Variants in DOCK8 observed in about 807,000 individuals in gnomAD.
DOCK8 encodes the protein dedicator of cytokinesis protein 8.
In DOCK8, 141 loss-of-function variants were observed where a neutral mutation model predicts 245.6. The observed-to-expected ratio is 0.57, with a 90% CI of 0.50 to 0.66. The LOEUF is 0.66. DOCK8 is among the 30% of genes least tolerant of loss of function. DOCK8 has a pLI of 0.00. For missense variants in DOCK8, 2,965 were observed against 2,603.4 expected, an observed-to-expected ratio of 1.14 and a Z score of -3.02; for synonymous variants, 1,168 against 970.2, an observed-to-expected ratio of 1.20 and a Z score of -3.79.
At position 304,721 on chromosome 9, in the gene DOCK8, A is replaced by G. The variant is rs778690811; in HGVS notation, c.528+17A>G. 2.5e-6 allele frequency: 4 copies of G among 1,614,012 alleles called. No homozygotes were observed. Among genetic ancestry groups the G allele is most frequent in the Non-Finnish European group, 3.4e-6 (4 of 1,180,020 alleles). ...GCTGCTCAGGTATTTCCTGTCAACA[A>G]ACATGGTTACCAGGTTACTGGGCTC... On this transcript the variant is annotated intron_variant, in intron 5 of 47. Transcript: ENST00000432829.
rs936995835 is a variant in DOCK8 at position 262,448 on chromosome 9, T to TA, written c.54-9171dup. Among the ~76,000 whole-genome samples the TA allele has an allele frequency of 1.3e-4, 12 of 89,806 alleles. 2 individuals are homozygous for TA. The highest frequency in any genetic ancestry group is 4.8e-4 in the South Asian group (1 of 2,086). The allele number at this position is 89,806 out of a possible 152,430, so 58.9% of individuals were successfully genotyped here. A position where few individuals can be genotyped will look rare whatever the true frequency, so the allele number is the denominator to read the frequency against. ...ATGTCCATAGACAGATGAATGGATT[T>TA]AAAAAAAACCATGTTATATCCATAC... is the stretch of plus-strand genomic sequence containing the variant. On this transcript the variant is annotated intron_variant, in intron 1 of 47. Coordinates refer to ENST00000432829, the MANE Select transcript of DOCK8 (RefSeq NM_203447.4).
At position 406,915 on chromosome 9, in the gene DOCK8, C is replaced by T. The variant is rs1333455374; in HGVS notation, c.3391-15C>T. The stretch of plus-strand genomic sequence containing the variant: ...GTTCTTGTGGCTCATAAAATGGCTC[C>T]TTACGTTTCTGTAGAACTCAAGCTC... On this transcript the variant is annotated splice_polypyrimidine_tract_variant and intron_variant, in intron 27 of 47. Transcript: ENST00000432829. The T allele has an allele frequency of 6.2e-7, 1 of 1,614,008 alleles. No individual in the cohort carries two copies.
intron 27 of DOCK8, among the ~76,000 whole-genome samples, chr9:406,079 C>T (rs1017957043): frequency 6.6e-6 from 1 of 152,146 alleles, no homozygotes; most frequent in African/African-American, 2.4e-5. Flanking sequence ...AAAGTGTGCT[C>T]CCAGGATACA....
Position 443,476 on chromosome 9 carries a change from A to T in DOCK8, c.5540A>T (p.Asp1847Val). 1 of 1,614,026 alleles carries T rather than the reference A, an allele frequency of 6.2e-7. No homozygotes were observed. Among genetic ancestry groups the T allele is most frequent in the Non-Finnish European group, 8.5e-7 (1 of 1,179,984 alleles). ...FGAEFVEVIK[D>V]STPVDKTKLD... ...GCAGAATTTGTGGAAGTGATTAAAGACTCCACTCCTGTGGACAAAACCAAG... is the reference window on the plus strand; with the variant it reads ...GCAGAATTTGTGGAAGTGATTAAAGTCTCCACTCCTGTGGACAAAACCAAG... The change falls in exon 43 of 48, where the codon GAC (aspartate) becomes GTC (valine). Residue 1847 changes from aspartate to valine, a missense_variant. Around this residue, in one of 3 missense-constraint regions of DOCK8, gnomAD observed 2,825 missense variants for 2,453.5 expected, o/e 1.15. Transcript: ENST00000432829.
intron 2 of DOCK8, chr9:284,644 A>G (rs981539917): frequency 2.6e-5 from 4 of 152,196 alleles, no homozygotes; most frequent in Non-Finnish European, 2.9e-5. Flanking sequence ...CACGCGTGTG[A>G]ATGTTTATTG....
At chr9:367,749 C>G (rs1413521310) in intron 14 of DOCK8, among the ~76,000 whole-genome samples, 2 of 152,164 alleles carry the variant, frequency 1.3e-5, no homozygotes, top group African/African-American at 4.8e-5. Context: ...AGGCAGATTT[C>G]CACATTCCAA....
chr9:319,856 T>C (rs1015798499), intron 7 of DOCK8, among the ~76,000 whole-genome samples: 1 of 152,244 alleles, frequency 6.6e-6, no homozygotes, highest in African/African-American at 2.4e-5. Flanking sequence ...TTTTAAGATT[T>C]AATACCATCT....
At position 417,290 on chromosome 9, in the gene DOCK8, A is replaced by G. The variant is rs369090446; in HGVS notation, c.3701-778A>G. The stretch of plus-strand genomic sequence containing the variant: ...AGTGTGAGACTTTGTCTAAAAATAA[A>G]TAAATAAATAAATAATAAGAACTGG... On this transcript the variant is annotated intron_variant, in intron 29 of 47. Coordinates refer to ENST00000432829, the MANE Select transcript of DOCK8 (RefSeq NM_203447.4). Among the ~76,000 whole-genome samples the G allele has an allele frequency of 2.6e-5, 4 of 152,364 alleles. No individual in the cohort carries two copies. In the East Asian group the frequency reaches 7.7e-4, roughly 29 times the overall value.
chr9:403,081 G>A (rs1454686226), intron 26 of DOCK8, among the ~76,000 whole-genome samples: 4 of 151,910 alleles, frequency 2.6e-5, no homozygotes, highest in African/African-American at 9.7e-5. Context: ...GTAGAGACAG[G>A]GTTTCACCAT....
rs540266063 is a variant in DOCK8, at chr9:258,592, CT to C, written c.54-13012del. 2.4e-3 allele frequency among the ~76,000 whole-genome samples: 236 copies of C among 100,284 alleles called. 1 individual carries two copies. The highest frequency in any genetic ancestry group is 6.5e-3 in the African/African-American group (164 of 25,042). 65.8% of individuals were successfully genotyped at this position (100,284 alleles called of 152,430 possible). A position where few individuals can be genotyped will look rare whatever the true frequency, so the allele number is the denominator to read the frequency against. On this transcript the variant is annotated intron_variant, in intron 1 of 47. Transcript: ENST00000432829. ...ATGATGAAAGGAGCCTGAAGAGACTCTTTTTTTTTTTTTTTTTTTTTTTGAG... is the reference window on the plus strand; with the variant it reads ...ATGATGAAAGGAGCCTGAAGAGACTCTTTTTTTTTTTTTTTTTTTTTTGAG...
chr9:256,906 A>G (rs1034184605), intron 1 of DOCK8, among the ~76,000 whole-genome samples: 3 of 152,196 alleles, frequency 2.0e-5, no homozygotes, highest in Non-Finnish European at 4.4e-5. Context: ...AATGTCAGAC[A>G]TCTGGGCTTA....
At chr9:419,531 ATTC>A (rs1452440678) in intron 30 of DOCK8, among the ~76,000 whole-genome samples, 11 of 152,200 alleles carry the variant, frequency 7.2e-5, no homozygotes, top group Non-Finnish European at 8.8e-5. Context: ...GATTTCCTTT[ATTC>A]TTGTCAACAA....
chr9:307,235 G>A, intron 5 of DOCK8, among the ~76,000 whole-genome samples: 1 of 151,534 alleles, frequency 6.6e-6, no homozygotes. Context: ...TGAATTTGGA[G>A]CCCAGAAACA....
intron 43 of DOCK8, among the ~76,000 whole-genome samples, chr9:445,720 G>A (rs1191858614): frequency 7.3e-6 from 1 of 136,282 alleles, no homozygotes; most frequent in Non-Finnish European, 1.6e-5. Flanking sequence ...CCACTGGAGT[G>A]ACATTTGGGT....
intron 25 of DOCK8, 118 bp from the exon 26 acceptor site, chr9:399,028 C>A: frequency 1.1e-6 from 1 of 914,318 alleles, no homozygotes; most frequent in Non-Finnish European, 1.7e-6. Flanking sequence ...CCAGTGCCAC[C>A]CAGAAGGACA....
intron 1 of DOCK8, among the ~76,000 whole-genome samples, chr9:239,567 T>A (rs1050993008): frequency 1.3e-5 from 2 of 152,196 alleles, no homozygotes; most frequent in African/African-American, 4.8e-5. Flanking sequence ...AGTCAGGGAT[T>A]AGAGACCTGC....
In DOCK8 at chr9:463,649, A is replaced by G. The variant is rs145573166; in HGVS notation, c.6201A>G (p.Glu2067=). 1.5e-3 allele frequency: 2,497 copies of G among 1,613,664 alleles called. 7 individuals are homozygous for G. Among genetic ancestry groups the G allele is most frequent in the African/African-American group, 5.0e-3 (376 of 75,012 alleles). The change falls in exon 47 of 48, where the codon GAA becomes GAG. Residue 2067 remains glutamate, a synonymous_variant. Coordinates refer to ENST00000432829, the MANE Select transcript of DOCK8 (RefSeq NM_203447.4). ...CAATGATCGAGCGGAAAATTCCAGA[A>G]CTGTACAAGCCAATATTCAGAGTTG... ...LRPMIERKIP[E]LYKPIFRVES...
intron 4 of DOCK8, among the ~76,000 whole-genome samples, chr9:303,109 A>G (rs2049633568): frequency 6.6e-6 from 1 of 152,060 alleles, no homozygotes. Flanking sequence ...GCAGTGAGCT[A>G]TAATCACACC....
chr9:420,203 G>A (rs2360706), intron 30 of DOCK8, 198 bp from the exon 31 acceptor site: 2 of 650,666 alleles, frequency 3.1e-6, no homozygotes, highest in South Asian at 1.7e-5. Flanking sequence ...GCTGAGTAGC[G>A]CTACTCAAAG....
Sources: gnomAD v4.1 joint callset for allele counts (sites outside exome capture counted in the v4.1 genomes callset) on GRCh38, gnomAD v4.1.1 for gene constraint, gnomAD v4.1.1 regional missense constraint, MANE v1.5 for transcripts, NCBI Gene and HGNC (gene_info 2026-07-23, HGNC 2026-07-21) for gene names.